The following NRXN3 variants were observed in gnomAD, a reference collection of about 807,000 sequenced individuals.
The protein encoded by NRXN3 is neurexin III.
In NRXN3, 32 loss-of-function variants were observed where a neutral mutation model predicts 137.6. The observed-to-expected ratio is 0.23, with a 90% CI of 0.18 to 0.31. The LOEUF (loss-of-function observed/expected upper bound fraction) is 0.31. Ranked by LOEUF, NRXN3 falls within the 10% of genes least tolerant of loss-of-function variation. NRXN3 has a pLI of 1.00. For missense variants in NRXN3, 1,574 were observed against 2,062.5 expected (o/e 0.76, Z 4.59); for synonymous variants, 798 against 784.5 (o/e 1.02, Z -0.29).
intron 8 of NRXN3, among the ~76,000 whole-genome samples, chr14:78,800,236 G>C (rs572417960): frequency 6.6e-6 from 1 of 152,282 alleles, no homozygotes; most frequent in East Asian, 1.9e-4. Context: ...CAGACCGCCT[G>C]CATGCAACTC....
At chr14:79,128,921 G>A (rs552342441) in intron 15 of NRXN3, among the ~76,000 whole-genome samples, 1 of 151,808 alleles carries the variant, frequency 6.6e-6, no homozygotes, top group African/African-American at 2.4e-5. Flanking sequence ...TGTATGTGTC[G>A]AGGAATTTAT....
chr14:79,700,001 G>A (rs1378424605), intron 19 of NRXN3, among the ~76,000 whole-genome samples: 1 of 152,016 alleles, frequency 6.6e-6, no homozygotes, highest in African/African-American at 2.4e-5. Context: ...TTTCTGCCAA[G>A]GGTTTTGGAA....
chr14:78,285,098 A>G (rs1400134361), intron 3 of NRXN3, among the ~76,000 whole-genome samples: 1 of 152,114 alleles, frequency 6.6e-6, no homozygotes, highest in Admixed American at 6.5e-5. Flanking sequence ...CTTTAACCTG[A>G]TAGATTAGAA....
At chr14:79,627,277 G>A (rs543033999) in intron 16 of NRXN3, among the ~76,000 whole-genome samples, 2 of 152,258 alleles carry the variant, frequency 1.3e-5, no homozygotes, top group East Asian at 3.9e-4. Context: ...TATCAATAAT[G>A]AGTTGCCTAC....
chr14:78,913,482 G>A (rs901768664), intron 10 of NRXN3, among the ~76,000 whole-genome samples: 12 of 151,588 alleles, frequency 7.9e-5, no homozygotes, highest in African/African-American at 2.4e-4. Context: ...GTTTCACCAC[G>A]TTGGCCAGGA....
Position 79,257,954 on chromosome 14 carries a change from A to T in NRXN3, c.3263-209267A>T, listed in dbSNP as rs146115179. Among the ~76,000 whole-genome samples, 128 of 152,166 alleles carry T rather than the reference A, an allele frequency of 8.4e-4. 4 individuals carry two copies. The East Asian group carries it at 0.022, about 27-fold the overall frequency. ...TGCTTTACCTAAAATAGACTGGAAA[A>T]AAAAAAGTTGTGACTGTTCTCTTTT... is the stretch of plus-strand genomic sequence containing the variant. On this transcript the variant is annotated intron_variant, in intron 15 of 20. Transcript: ENST00000335750.
At chr14:79,488,599 C>T (rs1325056383) in intron 16 of NRXN3, among the ~76,000 whole-genome samples, 1 of 152,158 alleles carries the variant, frequency 6.6e-6, no homozygotes, top group East Asian at 1.9e-4. Flanking sequence ...ATGTCATCAC[C>T]ACCACAACAA....
intron 15 of NRXN3, among the ~76,000 whole-genome samples, chr14:79,300,936 G>A (rs1028328965): frequency 6.6e-6 from 1 of 152,088 alleles, no homozygotes; most frequent in Non-Finnish European, 1.5e-5. Flanking sequence ...TTATAAAGAA[G>A]AGCATTACTT....
At position 79,216,285 on chromosome 14, in the gene NRXN3, A is replaced by G. The variant is rs544644004; in HGVS notation, c.3262+228144A>G. 2.6e-5 allele frequency among the ~76,000 whole-genome samples: 4 copies of G among 152,126 alleles called. No homozygotes were observed. The East Asian group carries it at 7.7e-4, about 29-fold the overall frequency. On this transcript the variant is annotated intron_variant, in intron 15 of 20. Transcript: ENST00000335750. ...CTTCTGAGAGAGAAGTCCTGAGAGG[A>G]AGTATCTGGAAAGGGAGCCTTCCAA...
chr14:78,999,242 T>G (rs1297332286), intron 15 of NRXN3, among the ~76,000 whole-genome samples: 1 of 152,188 alleles, frequency 6.6e-6, no homozygotes, highest in Non-Finnish European at 1.5e-5. Flanking sequence ...CTTGCATTAT[T>G]GGTACCTTTG....
At chr14:79,134,803 G>A (rs999712692) in intron 15 of NRXN3, among the ~76,000 whole-genome samples, 1 of 152,126 alleles carries the variant, frequency 6.6e-6, no homozygotes, top group East Asian at 1.9e-4. Context: ...TTAGCAGAAC[G>A]AAGAACAAAA....
chr14:79,338,483 G>A (rs1242605566), intron 15 of NRXN3, among the ~76,000 whole-genome samples: 1 of 152,092 alleles, frequency 6.6e-6, no homozygotes, highest in East Asian at 1.9e-4. Flanking sequence ...GAGAGCTCAG[G>A]CTTTAGAATC....
At chr14:79,485,375 AT>A (rs1237644097) in intron 16 of NRXN3, among the ~76,000 whole-genome samples, 2 of 151,856 alleles carry the variant, frequency 1.3e-5, no homozygotes, top group Non-Finnish European at 2.9e-5. Flanking sequence ...TTTCAGCTAA[AT>A]TTTTTTCTTC....
chr14:78,364,336 C>T (rs1353328812), intron 4 of NRXN3, among the ~76,000 whole-genome samples: 1 of 152,118 alleles, frequency 6.6e-6, no homozygotes, highest in Non-Finnish European at 1.5e-5. Context: ...GTATGCATAG[C>T]TGGGAGGCAG....
chr14:78,404,750 G>A (rs12887878), intron 4 of NRXN3, among the ~76,000 whole-genome samples: 15,113 of 152,080 alleles, frequency 0.099, 1,169 homozygotes, highest in African/African-American at 0.2. Flanking sequence ...GGATAAGCTC[G>A]GATTGATATT....
intron 15 of NRXN3, among the ~76,000 whole-genome samples, chr14:79,157,872 A>C (rs1320565751): frequency 6.6e-6 from 1 of 151,790 alleles, no homozygotes; most frequent in Non-Finnish European, 1.5e-5. Flanking sequence ...TAAGGGAAAG[A>C]TATTTGTGAT....
chr14:79,526,362 A>C (rs753824766), intron 16 of NRXN3, among the ~76,000 whole-genome samples: 1 of 152,104 alleles, frequency 6.6e-6, no homozygotes, highest in Admixed American at 6.5e-5. Flanking sequence ...CACCTAATTT[A>C]AAAAAATTTT....
chr14:79,422,946 C>T (rs919412771), intron 15 of NRXN3, among the ~76,000 whole-genome samples: 8 of 152,084 alleles, frequency 5.3e-5, no homozygotes, highest in African/African-American at 1.4e-4. Context: ...GATCCACCCG[C>T]CTTGGCCTCT....
intron 3 of NRXN3, among the ~76,000 whole-genome samples, chr14:78,292,115 C>T (rs1159792954): frequency 8.5e-5 from 13 of 152,228 alleles, no homozygotes; most frequent in Non-Finnish European, 1.5e-5. Context: ...ATTACATCTT[C>T]CTCTTGCCTG....
Sources: allele counts gnomAD v4.1 joint callset (sites outside exome capture counted in the v4.1 genomes callset), GRCh38; gene constraint gnomAD v4.1.1; transcripts MANE v1.5; gene names NCBI Gene and HGNC (gene_info 2026-07-23, HGNC 2026-07-21).